Variants in CADPS observed in about 807,000 individuals in gnomAD.
CADPS encodes the protein calcium dependent secretion activator.
A neutral mutation model predicts 167.3 loss-of-function variants in CADPS; 57 were observed. The ratio of observed to expected loss-of-function variants is 0.34; its 90% CI spans 0.28 to 0.42. CADPS has a LOEUF of 0.42. Among genes scored for constraint, CADPS ranks in the 20% least tolerant of loss-of-function variants. The probability of loss-of-function intolerance (pLI) is 1.00; values close to 1 mark genes in which losing one functional copy is unlikely to be tolerated. For synonymous variants in CADPS, 676 were observed against 635.3 expected (o/e 1.06, Z -0.96); for missense variants, 1,414 against 1,738.1 (o/e 0.81, Z 3.32).
chr3:62,556,747 T>A (rs1437314819), intron 10 of CADPS, among the ~76,000 whole-genome samples: 2 of 151,974 alleles, frequency 1.3e-5, no homozygotes, highest in Non-Finnish European at 2.9e-5. Context: ...GTAGAACTTA[T>A]GCGGTGTAGA....
rs1192523473 is a variant in CADPS at position 62,874,685 on chromosome 3, C to A, written c.345G>T (p.Arg115Ser). 1.3e-6 allele frequency: 2 copies of A among 1,553,720 alleles called. No homozygotes were observed. The highest frequency in any genetic ancestry group is 1.7e-6 in the Non-Finnish European group (2 of 1,147,854). The change falls in exon 1 of 30, where the codon AGG becomes AGT. Residue 115 changes from arginine to serine, a missense_variant. Physicochemically the swap from Arg to Ser is moderately radical, Grantham distance 110. Around this residue, in one of 6 missense-constraint regions of CADPS, gnomAD observed 522 missense variants for 559.5 expected, o/e 0.93. Transcript: ENST00000383710. The surrounding 1 kb of genome is among the most constrained non-coding windows in gnomAD (Gnocchi z 7.1). ...ACACATACAGCTGCAGCCTCTTCTT[C>A]CTCTCCTCCTCCTCTTTCTGCAGCC... ...LERLQKEEEERKKRLQLYVFV... is the reference protein window; with the variant it reads ...LERLQKEEEESKKRLQLYVFV...
chr3:62,646,133 G>A (rs542207118), intron 5 of CADPS, among the ~76,000 whole-genome samples: 2 of 148,774 alleles, frequency 1.3e-5, no homozygotes, highest in African/African-American at 4.9e-5. Flanking sequence ...AATAAGATCA[G>A]TTTTTCATTT....
At chr3:62,662,469 T>C in intron 3 of CADPS, 75 bp from the exon 4 acceptor site, 1 of 1,239,706 alleles carries the variant, frequency 8.1e-7, no homozygotes, top group Non-Finnish European at 1.2e-6. Context: ...TTCCATTTTA[T>C]ACCCCCTTGC....
intron 3 of CADPS, among the ~76,000 whole-genome samples, chr3:62,666,256 G>C (rs564219954): frequency 6.6e-6 from 1 of 152,178 alleles, no homozygotes; most frequent in South Asian, 2.1e-4. Flanking sequence ...ATGATCTGAA[G>C]AGAGGATGAA....
At chr3:62,707,521 T>C (rs1326936734) in intron 3 of CADPS, among the ~76,000 whole-genome samples, 3 of 152,096 alleles carry the variant, frequency 2.0e-5, no homozygotes, top group African/African-American at 7.2e-5. Context: ...AAGCTGATAG[T>C]GGGACCTGAA....
intron 3 of CADPS, among the ~76,000 whole-genome samples, chr3:62,716,343 T>G (rs1365740146): frequency 6.6e-6 from 1 of 152,198 alleles, no homozygotes; most frequent in East Asian, 1.9e-4. Flanking sequence ...TGTGAGCCAT[T>G]GTGCCTGGCC....
rs558126152 is a variant in CADPS, at chr3:62,429,830, T to G, written c.3777+8274A>C. The stretch of plus-strand genomic sequence containing the variant: ...CTTCTTAGAATGATTAATGGAACAT[T>G]CTCCTCTGGAAAGGAAAACAAATTA... On this transcript the variant is annotated intron_variant, in intron 28 of 29. Transcript: ENST00000383710. Among the ~76,000 whole-genome samples the G allele has an allele frequency of 1.4e-4, 21 of 152,248 alleles. No individual in the cohort carries two copies. The South Asian group carries it at 4.4e-3, about 32-fold the overall frequency.
intron 21 of CADPS, among the ~76,000 whole-genome samples, chr3:62,490,421 A>G (rs2063512194): frequency 6.6e-6 from 1 of 152,064 alleles, no homozygotes; most frequent in Non-Finnish European, 1.5e-5. Context: ...AGGAGTCTCT[A>G]TTTTTTCAGA....
rs55665003 is a variant in CADPS, at chr3:62,648,691, C to CAAAAAAAAAAAAAAAAAAAAAAAAA, written c.1203+2155_1203+2156insTTTTTTTTTTTTTTTTTTTTTTTTT. On this transcript the variant is annotated intron_variant, in intron 5 of 29. Coordinates refer to ENST00000383710, the MANE Select transcript of CADPS (RefSeq NM_003716.4). Reference sequence around the variant, plus strand: ...TGGGCAACAGAGTGAGACGTTGTGTCAAAAAAAAAAAAAAGAGGAAAGAAA... The same window carrying CAAAAAAAAAAAAAAAAAAAAAAAAA: ...TGGGCAACAGAGTGAGACGTTGTGTCAAAAAAAAAAAAAAAAAAAAAAAAAAAAAAAAAAAAAAAGAGGAAAGAAA... Among the ~76,000 whole-genome samples the CAAAAAAAAAAAAAAAAAAAAAAAAA allele has an allele frequency of 3.5e-4, 19 of 54,544 alleles. 3 individuals carry two copies. Among genetic ancestry groups the CAAAAAAAAAAAAAAAAAAAAAAAAA allele is most frequent in the African/African-American group, 1.1e-3 (19 of 16,740 alleles). The allele number at this position is 54,544 out of a possible 152,430, so 35.8% of individuals were successfully genotyped here.
chr3:62,676,714 A>C (rs1303810388), intron 3 of CADPS, among the ~76,000 whole-genome samples: 1 of 152,112 alleles, frequency 6.6e-6, no homozygotes, highest in African/African-American at 2.4e-5. Flanking sequence ...TTTATTGTGA[A>C]ATTCTGCCAT....
intron 6 of CADPS, among the ~76,000 whole-genome samples, chr3:62,638,713 T>C (rs368477638): frequency 1.1e-4 from 17 of 152,296 alleles, no homozygotes; most frequent in Middle Eastern, 3.4e-3. Context: ...CATTCTGAAA[T>C]TCCAACTAAT....
At chr3:62,469,438 C>T (rs981624219) in intron 24 of CADPS, among the ~76,000 whole-genome samples, 2 of 152,088 alleles carry the variant, frequency 1.3e-5, no homozygotes, top group African/African-American at 2.4e-5. Flanking sequence ...TTATAAAATG[C>T]CTTGCAGTCT....
At chr3:62,464,514 C>T (rs1249208986) in intron 26 of CADPS, among the ~76,000 whole-genome samples, 1 of 152,172 alleles carries the variant, frequency 6.6e-6, no homozygotes, top group African/African-American at 2.4e-5. Context: ...TGGTGTCTGC[C>T]TAGCATCAGG....
rs2063013028 is a variant in CADPS at position 62,620,496 on chromosome 3, T to C, written c.1325+25226A>G. 2.0e-5 allele frequency among the ~76,000 whole-genome samples: 3 copies of C among 152,170 alleles called. No individual in the cohort carries two copies. The South Asian group carries it at 6.2e-4, about 31-fold the overall frequency. On this transcript the variant is annotated intron_variant, in intron 6 of 29. Coordinates refer to ENST00000383710, the MANE Select transcript of CADPS (RefSeq NM_003716.4). ...AACACTTAATATACTAGGCACTGTATGAAACACTTCAAACACAGTGTCTTG... is the reference window on the plus strand; with the variant it reads ...AACACTTAATATACTAGGCACTGTACGAAACACTTCAAACACAGTGTCTTG...
intron 27 of CADPS, chr3:62,440,634 T>C (rs547687133): frequency 5.9e-5 from 9 of 152,158 alleles, no homozygotes; most frequent in Admixed American, 5.2e-4. Context: ...AAAACATGTG[T>C]AGTTTTCTCA....
chr3:62,875,205 C>T lies in CADPS; in HGVS notation c.-176G>A, dbSNP rs2083444313. On this transcript the variant is annotated 5_prime_UTR_variant, in exon 1 of 30. Coordinates refer to ENST00000383710, the MANE Select transcript of CADPS (RefSeq NM_003716.4). Reference sequence around the variant, plus strand: ...CGACTGATCCTCTGCCCGGCGGTCGCGAGCTGGGCTCAGACCCAGAAGCGC... The same window carrying T: ...CGACTGATCCTCTGCCCGGCGGTCGTGAGCTGGGCTCAGACCCAGAAGCGC... 1.2e-6 allele frequency: 1 copy of T among 833,002 alleles called. No homozygotes were observed. Among genetic ancestry groups the T allele is most frequent in the African/African-American group, 1.8e-5 (1 of 55,366 alleles). The allele number at this position is 833,002 out of a possible 1,614,324, so 51.6% of individuals were successfully genotyped here. A position where few individuals can be genotyped will look rare whatever the true frequency, so the allele number is the denominator to read the frequency against.
In CADPS at chr3:62,585,277, G is replaced by C; in HGVS notation, c.1485C>G (p.His495Gln). Residue 495 changes from histidine (H) to glutamine (Q), a missense_variant, in exon 8 of 30, where the codon CAC becomes CAG. Physicochemically the swap from His to Gln is conservative, Grantham distance 24. Coordinates refer to ENST00000383710, the MANE Select transcript of CADPS (RefSeq NM_003716.4). ...GGCAGTTTTTGGAGACTGTCATTTT[G>C]TGCCACTCTGACTGTTTGGGGCTGT... ...TPNSPKQSEW[H>Q]KMTVSKNCPD... 6.2e-7 allele frequency: 1 copy of C among 1,613,908 alleles called. No individual in the cohort carries two copies. Among genetic ancestry groups the C allele is most frequent in the Non-Finnish European group, 8.5e-7 (1 of 1,179,848 alleles).
rs55899504 is a variant in CADPS, at chr3:62,642,166, G to C, written c.1325+3556C>G. ...TTGTAGACATGTGCTATGGCACAAT[G>C]TTAGGGTTCCAGTTATGGGGTGTAG... On this transcript the variant is annotated intron_variant, in intron 6 of 29. Coordinates refer to ENST00000383710, the MANE Select transcript of CADPS (RefSeq NM_003716.4). 5.5e-3 allele frequency among the ~76,000 whole-genome samples: 833 copies of C among 151,132 alleles called. 11 individuals are homozygous for C. The highest frequency in any genetic ancestry group is 0.019 in the African/African-American group (780 of 41,314).
chr3:62,631,584 G>T lies in CADPS; in HGVS notation c.1325+14138C>A, dbSNP rs536410765. Among the ~76,000 whole-genome samples, 3 of 152,228 alleles carry T rather than the reference G, an allele frequency of 2.0e-5. No individual in the cohort carries two copies. In the South Asian group the frequency reaches 6.2e-4, roughly 32 times the overall value. On this transcript the variant is annotated intron_variant, in intron 6 of 29. Coordinates refer to ENST00000383710, the MANE Select transcript of CADPS (RefSeq NM_003716.4). ...AGTTCCATGTACAAACACCACAGTG[G>T]AATCTGCTTGCTTAGTTACATGAAG...
Sources: allele counts gnomAD v4.1 joint callset (sites outside exome capture counted in the v4.1 genomes callset), GRCh38; gene constraint gnomAD v4.1.1; regional missense constraint gnomAD v4.1.1; non-coding constraint Gnocchi (gnomAD v3.1); transcripts MANE v1.5; gene names NCBI Gene and HGNC (gene_info 2026-07-23, HGNC 2026-07-21).